ARHGEF6: variants seen among roughly 807,000 people sequenced by gnomAD.
The protein encoded by ARHGEF6 is Rac/Cdc42 guanine nucleotide exchange factor 6.
In ARHGEF6, 9 loss-of-function variants were observed where a neutral mutation model predicts 70.3. The observed-to-expected ratio is 0.13, with a 90% CI of 0.08 to 0.22. The LOEUF is 0.22. ARHGEF6 is among the 10% of genes least tolerant of loss of function. ARHGEF6 has a pLI of 1.00. For missense variants in ARHGEF6, 470 were observed against 563.0 expected, an observed-to-expected ratio of 0.83 and a Z score of 1.67; for synonymous variants, 201 against 207.8, an observed-to-expected ratio of 0.97 and a Z score of 0.28.
intron 2 of ARHGEF6, among the ~76,000 whole-genome samples, chrX:136,754,674 G>C: frequency 9.0e-6 from 1 of 110,917 alleles, no homozygotes; most frequent in East Asian, 2.8e-4. Flanking sequence ...AAAGAGAGTA[G>C]GCATGAAGGA....
At chrX:136,732,451 G>A (rs1357674388) in intron 5 of ARHGEF6, among the ~76,000 whole-genome samples, 2 of 112,057 alleles carry the variant, frequency 1.8e-5, no homozygotes, top group African/African-American at 6.5e-5. Context: ...CCCAGTTGGG[G>A]TTTGTCTGCC....
At chrX:136,752,071 T>C (rs1038511713) in intron 2 of ARHGEF6, among the ~76,000 whole-genome samples, 4 of 111,527 alleles carry the variant, frequency 3.6e-5, no homozygotes, top group Admixed American at 9.5e-5. Flanking sequence ...CCATGAGACA[T>C]AGAGAAAAAA....
intron 7 of ARHGEF6, among the ~76,000 whole-genome samples, chrX:136,712,473 T>C (rs1293839324): frequency 8.9e-6 from 1 of 112,494 alleles, no homozygotes; most frequent in Admixed American, 9.4e-5. Context: ...GACAACTGTT[T>C]AGCAATAGTA....
rs754252701 is a variant in ARHGEF6 at position 136,745,403 on chromosome X, AC to A, written c.335-57del. On this transcript the variant is annotated intron_variant, in intron 3 of 21. Transcript: ENST00000250617. Reference sequence around the variant, plus strand: ...AACCACTCAGATCAGAAAAACATCTACCGCATAACATTATCTTTCTCAGGAT... The same window carrying A: ...AACCACTCAGATCAGAAAAACATCTACGCATAACATTATCTTTCTCAGGAT... 357 of 1,171,695 alleles carry A rather than the reference AC, an allele frequency of 3.0e-4. 1 individual carries two copies. The highest frequency in any genetic ancestry group is 4.0e-4 in the Non-Finnish European group (346 of 861,087).
chrX:136,671,573 T>C lies in ARHGEF6; in HGVS notation c.2135+447A>G, dbSNP rs185360978. 3.0e-3 allele frequency among the ~76,000 whole-genome samples: 334 copies of C among 112,399 alleles called. 1 individual carries two copies. The highest frequency in any genetic ancestry group is 0.01 in the African/African-American group (318 of 30,942). On this transcript the variant is annotated intron_variant, in intron 20 of 21. Transcript: ENST00000250617. ...TTATCTGTGAAAGTGGTGAGAGTAATGTTTATCTAACCGGATTGCTGTAGG... is the reference window on the plus strand; with the variant it reads ...TTATCTGTGAAAGTGGTGAGAGTAACGTTTATCTAACCGGATTGCTGTAGG...
chrX:136,713,374 TG>T lies in ARHGEF6; in HGVS notation c.733-5del. 1 of 1,178,773 alleles carries T rather than the reference TG, an allele frequency of 8.5e-7. No individual in the cohort carries two copies. The highest frequency in any genetic ancestry group is 2.5e-4 in the Middle Eastern group (1 of 4,010). On this transcript the variant is annotated splice_region_variant and splice_polypyrimidine_tract_variant and intron_variant, in intron 6 of 21. Coordinates refer to ENST00000250617, the MANE Select transcript of ARHGEF6 (RefSeq NM_004840.3). ...TGTCCAGGATGTTCTGTAACACCTA[TG>T]GAAAAAAAAGTCAATGTATTATAAT... is the stretch of plus-strand genomic sequence containing the variant.
chrX:136,724,033 C>A (rs1281495953), intron 6 of ARHGEF6, among the ~76,000 whole-genome samples: 5 of 109,352 alleles, frequency 4.6e-5, no homozygotes, highest in Non-Finnish European at 9.5e-5. Flanking sequence ...GGAATTAAAT[C>A]TTCTAATCTT....
chrX:136,765,369 T>A (rs996615313), intron 2 of ARHGEF6, among the ~76,000 whole-genome samples: 1 of 112,399 alleles, frequency 8.9e-6, no homozygotes, highest in African/African-American at 3.2e-5. Context: ...ATTGAAGTAA[T>A]GTTATACTTG....
chrX:136,742,786 G>A (rs1467898388), intron 5 of ARHGEF6, among the ~76,000 whole-genome samples: 2 of 111,268 alleles, frequency 1.8e-5, no homozygotes, highest in Non-Finnish European at 3.8e-5. Flanking sequence ...ACCAGCCTGG[G>A]CAACACAGGC....
In ARHGEF6 at chrX:136,779,511, G is replaced by A. The variant is rs1223894088; in HGVS notation, c.166-14C>T. 1 of 1,188,483 alleles carries A rather than the reference G, an allele frequency of 8.4e-7. No homozygotes were observed. The highest frequency in any genetic ancestry group is 1.1e-6 in the Non-Finnish European group (1 of 875,763). ...ATCCAGACAAAACTAGAGGAACACAGTGAAATGTCACTTGGAGATTGTCAT... is the reference window on the plus strand; with the variant it reads ...ATCCAGACAAAACTAGAGGAACACAATGAAATGTCACTTGGAGATTGTCAT... On this transcript the variant is annotated splice_polypyrimidine_tract_variant and intron_variant, in intron 1 of 21. Coordinates refer to ENST00000250617, the MANE Select transcript of ARHGEF6 (RefSeq NM_004840.3).
chrX:136,687,293 G>A (rs1360885432), intron 11 of ARHGEF6, among the ~76,000 whole-genome samples: 1 of 111,920 alleles, frequency 8.9e-6, no homozygotes, highest in African/African-American at 3.2e-5. Flanking sequence ...CACTTATAAT[G>A]CTACAGAATT....
Position 136,713,338 on chromosome X carries a change from T to C in ARHGEF6, c.765A>G (p.Glu255=). 8.3e-7 allele frequency: 1 copy of C among 1,208,327 alleles called. No homozygotes were observed. Among genetic ancestry groups the C allele is most frequent in the Non-Finnish European group, 1.1e-6 (1 of 892,803 alleles). ...GAAGAGACTGAAGTTCTTTAGCATA[T>C]TCTTTTTCAGTGTCCAGGATGTTCT... The part of the protein sequence containing the change: ...VLQNILDTEK[E]YAKELQSLLV... Residue 255 remains glutamate, a synonymous_variant, in exon 7 of 22, where the codon GAA becomes GAG. Coordinates refer to ENST00000250617, the MANE Select transcript of ARHGEF6 (RefSeq NM_004840.3).
At chrX:136,773,716 A>G (rs904636404) in intron 2 of ARHGEF6, among the ~76,000 whole-genome samples, 1 of 112,089 alleles carries the variant, frequency 8.9e-6, no homozygotes, top group Non-Finnish European at 1.9e-5. Context: ...AGCAGATACT[A>G]TTAATGTCTC....
In ARHGEF6 at chrX:136,779,423, G is replaced by A. The variant is rs2077430178; in HGVS notation, c.240C>T (p.Leu80=). The change falls in exon 2 of 22, where the codon CTC becomes CTT. Residue 80 remains leucine (L), a synonymous_variant. Transcript: ENST00000250617. ...INDFLKGCAT[L]QVEIFDPDDL... The stretch of plus-strand genomic sequence containing the variant: ...CCCGGGGTAGGCTTACTTCCACTTG[G>A]AGGGTTGCACATCCTTTCAGGAAGT... The A allele has an allele frequency of 8.3e-7, 1 of 1,210,821 alleles. No homozygotes were observed. Among genetic ancestry groups the A allele is most frequent in the Non-Finnish European group, 1.1e-6 (1 of 894,723 alleles).
chrX:136,773,385 ATTTATG>A (rs751947497), intron 2 of ARHGEF6, among the ~76,000 whole-genome samples: 1 of 111,809 alleles, frequency 8.9e-6, no homozygotes, highest in South Asian at 3.8e-4. Flanking sequence ...ATTTGCAAAT[ATTTATG>A]TTTAAGTCTG....
rs181433650 is a variant in ARHGEF6 at position 136,682,431 on chromosome X, A to C, written c.1479+327T>G. Among the ~76,000 whole-genome samples, 5 of 112,138 alleles carry C rather than the reference A, an allele frequency of 4.5e-5. No homozygotes were observed. The Admixed American group carries it at 4.7e-4, about 11-fold the overall frequency. ...GTGACTATAATAAGACAAACATAGGAGCAGGTCCCAGCTTTATGTTTTCTC... is the reference window on the plus strand; with the variant it reads ...GTGACTATAATAAGACAAACATAGGCGCAGGTCCCAGCTTTATGTTTTCTC... On this transcript the variant is annotated intron_variant, in intron 13 of 21. Transcript: ENST00000250617.
intron 2 of ARHGEF6, among the ~76,000 whole-genome samples, chrX:136,764,080 G>A (rs747398345): frequency 9.0e-6 from 1 of 110,891 alleles, no homozygotes; most frequent in South Asian, 3.8e-4. Context: ...GTGGCAGACA[G>A]TTGAGGTCAC....
At chrX:136,728,946 G>A (rs746290975) in intron 6 of ARHGEF6, among the ~76,000 whole-genome samples, 1 of 106,727 alleles carries the variant, frequency 9.4e-6, no homozygotes, top group East Asian at 3.0e-4. Flanking sequence ...CTTTGAGACA[G>A]TAGAGTGTGG....
At chrX:136,701,139 G>C (rs1394907169) in intron 9 of ARHGEF6, among the ~76,000 whole-genome samples, 1 of 111,068 alleles carries the variant, frequency 9.0e-6, no homozygotes, top group Non-Finnish European at 1.9e-5. Flanking sequence ...AAGTACAAAA[G>C]GTGTAACATG....
Sources: allele counts gnomAD v4.1 joint callset (sites outside exome capture counted in the v4.1 genomes callset), GRCh38; gene constraint gnomAD v4.1.1; transcripts MANE v1.5; gene names NCBI Gene and HGNC (gene_info 2026-07-23, HGNC 2026-07-21).